The following MAGI2 variants were observed in gnomAD, a reference collection of about 807,000 sequenced individuals.
MAGI2 encodes membrane-associated guanylate kinase, WW and PDZ domain-containing protein 2.
A neutral mutation model predicts 133.3 loss-of-function variants in MAGI2; 35 were observed. That is an observed-to-expected ratio of 0.26 (90% confidence interval 0.20 to 0.35). The LOEUF (loss-of-function observed/expected upper bound fraction) is 0.35. MAGI2 is among the 10% of genes least tolerant of loss of function. The probability of loss-of-function intolerance (pLI) is 1.00; values close to 1 mark genes in which losing one functional copy is unlikely to be tolerated. For synonymous variants in MAGI2, 729 were observed against 710.6 expected (o/e 1.03, Z -0.41); for missense variants, 1,636 against 1,863.4 (o/e 0.88, Z 2.25).
At chr7:79,051,052 C>G (rs992192867) in intron 1 of MAGI2, among the ~76,000 whole-genome samples, 51 of 152,162 alleles carry the variant, frequency 3.4e-4, no homozygotes, top group African/African-American at 1.2e-3. Flanking sequence ...TCACAAAATA[C>G]AAAACATCCC....
At chr7:79,171,811 A>G (rs1418385608) in intron 1 of MAGI2, among the ~76,000 whole-genome samples, 3 of 114,786 alleles carry the variant, frequency 2.6e-5, no homozygotes, top group Admixed American at 1.0e-4. Flanking sequence ...CCAAAATACT[A>G]CCTAATTTCA....
rs532100024 is a variant in MAGI2, at chr7:78,246,606, C to T, written c.2047+9337G>A. Among the ~76,000 whole-genome samples the T allele has an allele frequency of 6.6e-5, 10 of 152,284 alleles. No homozygotes were observed. In the East Asian group the frequency reaches 1.9e-3, roughly 29 times the overall value. On this transcript the variant is annotated intron_variant, in intron 10 of 21. Coordinates refer to ENST00000354212, the MANE Select transcript of MAGI2 (RefSeq NM_012301.4). ...CATCTCTGTGCTGCTCCCTGTCCCACCAGAGCCTAAGCAATTGCTGCACTC... is the reference window on the plus strand; with the variant it reads ...CATCTCTGTGCTGCTCCCTGTCCCATCAGAGCCTAAGCAATTGCTGCACTC...
intron 21 of MAGI2, among the ~76,000 whole-genome samples, chr7:78,075,293 T>C (rs533813248): frequency 9.9e-5 from 15 of 152,090 alleles, no homozygotes; most frequent in Admixed American, 2.0e-4. Context: ...TATGGAAGCC[T>C]GCATGTGGAT....
chr7:78,958,001 C>G (rs1802544381), intron 2 of MAGI2, among the ~76,000 whole-genome samples: 1 of 152,164 alleles, frequency 6.6e-6, no homozygotes, highest in South Asian at 2.1e-4. Context: ...TGTAAGACCC[C>G]TGTTCTTTTG....
At position 79,453,168 on chromosome 7, in the gene MAGI2, C is replaced by T; in HGVS notation, c.153G>A (p.Lys51=). 1.2e-6 allele frequency: 2 copies of T among 1,614,098 alleles called. No homozygotes were observed. The highest frequency in any genetic ancestry group is 1.1e-5 in the South Asian group (1 of 91,076). The change falls in exon 1 of 22, where the codon AAG becomes AAA. Residue 51 remains lysine, a synonymous_variant. Coordinates refer to ENST00000354212, the MANE Select transcript of MAGI2 (RefSeq NM_012301.4). ...FPYLGEVKPG[K]VAYESGSKLV... is the part of the protein sequence containing the mutation. ...ATTTGCTGCCGCTCTCATAGGCCAC[C>T]TTGCCGGGCTTCACCTCCCCCAGGT...
At chr7:79,407,948 T>G (rs184495915) in intron 1 of MAGI2, among the ~76,000 whole-genome samples, 2 of 152,160 alleles carry the variant, frequency 1.3e-5, no homozygotes, top group African/African-American at 2.4e-5. Context: ...TAACCATAGA[T>G]AGTAGACTAA....
intron 2 of MAGI2, among the ~76,000 whole-genome samples, chr7:78,795,953 T>G (rs1314981271): frequency 6.6e-6 from 1 of 152,032 alleles, no homozygotes; most frequent in Admixed American, 6.6e-5. Flanking sequence ...TGAAACTAGA[T>G]CCCATCTTTC....
At chr7:78,678,310 G>T (rs146009637) in intron 2 of MAGI2, among the ~76,000 whole-genome samples, 1 of 152,114 alleles carries the variant, frequency 6.6e-6, no homozygotes, top group Non-Finnish European at 1.5e-5. Context: ...TTATGCCCAT[G>T]GTACCACTTA....
At chr7:78,117,454 G>C (rs1192600502) in intron 20 of MAGI2, among the ~76,000 whole-genome samples, 1 of 151,972 alleles carries the variant, frequency 6.6e-6, no homozygotes, top group African/African-American at 2.4e-5. Flanking sequence ...TATGGATGCA[G>C]AAAAAGTAGA....
chr7:78,424,976 G>A (rs983501719), intron 6 of MAGI2, among the ~76,000 whole-genome samples: 5 of 152,180 alleles, frequency 3.3e-5, no homozygotes, highest in South Asian at 2.1e-4. Context: ...GACTTTAGGG[G>A]ACTGTTGAGA....
chr7:78,427,973 T>G (rs1017042774), intron 6 of MAGI2, among the ~76,000 whole-genome samples: 1 of 152,174 alleles, frequency 6.6e-6, no homozygotes, highest in Non-Finnish European at 1.5e-5. Context: ...TTTCATCCTA[T>G]GCCATCTCCT....
intron 2 of MAGI2, among the ~76,000 whole-genome samples, chr7:78,825,604 T>A (rs760118050): frequency 1.1e-4 from 16 of 152,258 alleles, no homozygotes; most frequent in South Asian, 2.1e-4. Flanking sequence ...CTAGTTTTTT[T>A]AAAAAAAGTG....
chr7:78,127,519 A>G, intron 18 of MAGI2, 103 bp from the exon 19 acceptor site: 2 of 754,048 alleles, frequency 2.7e-6, no homozygotes, highest in South Asian at 3.2e-5. Context: ...CAGCTCACAC[A>G]AACCACTCCT....
intron 2 of MAGI2, among the ~76,000 whole-genome samples, chr7:78,951,955 T>G (rs1371457960): frequency 1.3e-5 from 2 of 152,184 alleles, no homozygotes; most frequent in East Asian, 3.9e-4. Context: ...TTCACATGCC[T>G]GCAATTTAAA....
intron 2 of MAGI2, among the ~76,000 whole-genome samples, chr7:78,882,695 G>C (rs1795970308): frequency 6.6e-6 from 1 of 152,022 alleles, no homozygotes. Flanking sequence ...ATGCAAGGTT[G>C]GTTCCATGTA....
chr7:78,256,468 G>C lies in MAGI2; in HGVS notation c.1522C>G (p.Arg508Gly). The C allele has an allele frequency of 6.2e-7, 1 of 1,613,860 alleles. No individual in the cohort carries two copies. The highest frequency in any genetic ancestry group is 8.5e-7 in the Non-Finnish European group (1 of 1,179,944). The part of the protein sequence containing the change: ...IGQSVNLVLC[R>G]GYPLPFDPED... ...GGATCAAAGGGCAAAGGGTAGCCAC[G>C]ACACAACACCAGGTTGACACTCTGA... The change falls in exon 10 of 22, where the codon CGT becomes GGT. Residue 508 changes from arginine (R) to glycine (G), a missense_variant. Arg to Gly is a moderately radical substitution (Grantham distance 125). This residue lies in a region of MAGI2 where 920 missense variants were observed against 1,093.5 expected (regional missense o/e 0.84). Transcript: ENST00000354212.
intron 5 of MAGI2, among the ~76,000 whole-genome samples, chr7:78,497,738 A>ATCTGTCTGTCTGTCTGTCTGCCTGTCTG (rs1297478814): frequency 8.9e-6 from 1 of 112,868 alleles, no homozygotes. Flanking sequence ...CTATCTATCT[A>ATCTGTCTGTCTGTCTGTCTGCCTGTCTG]TCTATCTATC....
intron 3 of MAGI2, among the ~76,000 whole-genome samples, chr7:78,527,029 A>AAAAAAAAAAAAAAAAAAAAAAAAAAAAG (rs1563125198): frequency 8.0e-6 from 1 of 124,840 alleles, no homozygotes; most frequent in South Asian, 2.5e-4. Flanking sequence ...AAAAAAAAAA[A>AAAAAAAAAAAAAAAAAAAAAAAAAAAAG]AAAAAGAAAA....
At chr7:78,448,546 C>T (rs980665367) in intron 6 of MAGI2, among the ~76,000 whole-genome samples, 3 of 151,466 alleles carry the variant, frequency 2.0e-5, no homozygotes, top group Non-Finnish European at 4.4e-5. Context: ...ATCCCATGGC[C>T]AACACTTCTA....
Sources: gnomAD v4.1 joint callset for allele counts (sites outside exome capture counted in the v4.1 genomes callset) on GRCh38, gnomAD v4.1.1 for gene constraint, gnomAD v4.1.1 regional missense constraint, MANE v1.5 for transcripts, NCBI Gene and HGNC (gene_info 2026-07-23, HGNC 2026-07-21) for gene names.